PIK3C2G: variants seen among roughly 807,000 people sequenced by gnomAD.
PIK3C2G encodes the protein phosphatidylinositol-4-phosphate 3-kinase catalytic subunit type 2 gamma, also known as phosphatidylinositol 3-kinase C2 domain-containing subunit gamma.
PIK3C2G carries 168 observed loss-of-function variants against 181.1 expected under a neutral mutation model. The observed-to-expected ratio is 0.93, with a 90% confidence interval of 0.82 to 1.05. PIK3C2G has a LOEUF of 1.05. PIK3C2G is among the 50% of genes least tolerant of loss of function. The pLI is 0.00. For missense variants in PIK3C2G, 1,869 were observed against 1,732.8 expected (o/e 1.08, Z -1.40); for synonymous variants, 573 against 592.2 (o/e 0.97, Z 0.47).
rs1949794324 is a variant in PIK3C2G at position 18,640,571 on chromosome 12, T to A, written c.4308+17T>A. ...AATGAAATTGTAAGTATAAGTCACC[T>A]TTTGTCCAGTCATTTTGTATTTTTC... On this transcript the variant is annotated intron_variant, in intron 32 of 32. Transcript: ENST00000538779. 6.4e-7 allele frequency: 1 copy of A among 1,569,722 alleles called. No individual in the cohort carries two copies. The highest frequency in any genetic ancestry group is 8.6e-7 in the Non-Finnish European group (1 of 1,157,024).
chr12:18,337,750 G>A (rs1025975277), intron 8 of PIK3C2G, among the ~76,000 whole-genome samples: 1 of 152,108 alleles, frequency 6.6e-6, no homozygotes, highest in Admixed American at 6.6e-5. Flanking sequence ...CTCCCACCAG[G>A]CTTCACTTCC....
At chr12:18,692,431 T>C in the PIK3C2G span, among the ~76,000 whole-genome samples, 1 of 151,990 alleles carries the variant, frequency 6.6e-6, no homozygotes, top group Admixed American at 6.6e-5. Context: ...AGCACTTAGG[T>C]TATAGAGGAA....
chr12:18,700,983 GA>G, the PIK3C2G span, among the ~76,000 whole-genome samples: 1 of 27,592 alleles, frequency 3.6e-5, no homozygotes, highest in African/African-American at 5.3e-5. Flanking sequence ...CAATTATAGA[GA>G]TTTTTTTTTT....
intron 18 of PIK3C2G, among the ~76,000 whole-genome samples, chr12:18,460,689 C>T (rs1327057790): frequency 6.8e-6 from 1 of 147,872 alleles, no homozygotes; most frequent in African/African-American, 2.5e-5. Context: ...TCACTCAGTA[C>T]ATCTTAGCTA....
intron 18 of PIK3C2G, among the ~76,000 whole-genome samples, chr12:18,445,386 CAT>C (rs1946969136): frequency 6.6e-6 from 1 of 151,160 alleles, no homozygotes; most frequent in South Asian, 2.1e-4. Context: ...AAAATATAAT[CAT>C]ATACTGCTTT....
the PIK3C2G span, among the ~76,000 whole-genome samples, chr12:18,717,331 T>C: frequency 1.3e-5 from 2 of 152,188 alleles, no homozygotes; most frequent in Non-Finnish European, 2.9e-5. Context: ...AATGAATACA[T>C]TTCAAAATTT....
At chr12:18,571,357 AGTT>A (rs963389861) in intron 29 of PIK3C2G, among the ~76,000 whole-genome samples, 1 of 150,700 alleles carries the variant, frequency 6.6e-6, no homozygotes, top group African/African-American at 2.5e-5. Context: ...TGCACCCTGT[AGTT>A]GTGAGATGCA....
chr12:18,605,802 G>A (rs1258301843), intron 30 of PIK3C2G, among the ~76,000 whole-genome samples: 1 of 151,972 alleles, frequency 6.6e-6, no homozygotes, highest in African/African-American at 2.4e-5. Context: ...TTCTTATGTT[G>A]TAGCCGCCTT....
intron 24 of PIK3C2G, among the ~76,000 whole-genome samples, chr12:18,525,316 C>T (rs879571660): frequency 1.4e-4 from 22 of 151,900 alleles, no homozygotes; most frequent in Admixed American, 7.2e-4. Context: ...CGCGTGAACC[C>T]GGGAGGCAGA....
Position 18,399,724 on chromosome 12 carries a change from CCCTTCCTTTAGT to C in PIK3C2G, c.2196_2207del (p.Pro733_Leu736del), listed in dbSNP as rs1565679145. ...TTCTACTGCAATAATGAAAACTGCTCCCTTCCTTTAGTCCTGGGTAGTGCCCCTGGATGGGAT... is the reference window on the plus strand; with the variant it reads ...TTCTACTGCAATAATGAAAACTGCTCCCTGGGTAGTGCCCCTGGATGGGAT... On this transcript the variant is annotated inframe_deletion, in exon 16 of 33. Coordinates refer to ENST00000538779, the MANE Select transcript of PIK3C2G (RefSeq NM_001288772.2). 3.1e-6 allele frequency: 5 copies of C among 1,602,950 alleles called. No homozygotes were observed. Among genetic ancestry groups the C allele is most frequent in the Non-Finnish European group, 4.3e-6 (5 of 1,171,938 alleles).
At chr12:18,525,099 C>A (rs925647182) in intron 24 of PIK3C2G, among the ~76,000 whole-genome samples, 7 of 151,724 alleles carry the variant, frequency 4.6e-5, no homozygotes, top group Admixed American at 3.3e-4. Flanking sequence ...TTTAAAAAAT[C>A]TGTATATTGG....
chr12:18,587,277 G>T (rs1398480069), intron 29 of PIK3C2G, among the ~76,000 whole-genome samples: 1 of 152,094 alleles, frequency 6.6e-6, no homozygotes, highest in African/African-American at 2.4e-5. Flanking sequence ...ATCTCTGTTT[G>T]CAAATGGCAT....
At chr12:18,396,255 C>T (rs12230036) in intron 15 of PIK3C2G, among the ~76,000 whole-genome samples, 19,547 of 151,326 alleles carry the variant, frequency 0.13, 1,290 homozygotes, top group African/African-American at 0.16. Flanking sequence ...AAGAATAATA[C>T]TTTCCAGGAA....
chr12:18,336,907 T>C (rs2137582001), intron 8 of PIK3C2G, among the ~76,000 whole-genome samples: 1 of 152,282 alleles, frequency 6.6e-6, no homozygotes, highest in South Asian at 2.1e-4. Context: ...AAGCAAAGTA[T>C]TATCCCATTA....
Position 18,519,462 on chromosome 12 carries a change from A to G in PIK3C2G, c.3323+14001A>G, listed in dbSNP as rs552483299. Among the ~76,000 whole-genome samples the G allele has an allele frequency of 8.5e-5, 13 of 152,226 alleles. No individual in the cohort carries two copies. The South Asian group carries it at 2.7e-3, about 32-fold the overall frequency. On this transcript the variant is annotated intron_variant, in intron 24 of 32. Transcript: ENST00000538779. ...TTCTTGTTGAATTGATCCATTTACC[A>G]TTATGTAATGCCCTTCTTTGTCTTT...
At chr12:18,414,964 C>G (rs1945091777) in intron 16 of PIK3C2G, among the ~76,000 whole-genome samples, 1 of 152,096 alleles carries the variant, frequency 6.6e-6, no homozygotes, top group African/African-American at 2.4e-5. Context: ...GAACTTCAAG[C>G]AATAGTAATA....
intron 1 of PIK3C2G, among the ~76,000 whole-genome samples, chr12:18,263,702 A>G (rs1948351747): frequency 6.6e-6 from 1 of 152,068 alleles, no homozygotes; most frequent in African/African-American, 2.4e-5. Flanking sequence ...TAATGACATC[A>G]GTTTTTTGTT....
chr12:18,691,812 A>C, the PIK3C2G span, among the ~76,000 whole-genome samples: 4 of 152,198 alleles, frequency 2.6e-5, no homozygotes, highest in South Asian at 6.2e-4. Context: ...TCTACATCAG[A>C]GTCACAAACT....
chr12:18,469,778 TAAA>T (rs34500497), intron 18 of PIK3C2G, among the ~76,000 whole-genome samples: 12 of 146,536 alleles, frequency 8.2e-5, no homozygotes, highest in African/African-American at 2.5e-4. Context: ...AGTCTCTCTT[TAAA>T]AAAAAAAAAA....
Sources: gnomAD v4.1 joint callset for allele counts (sites outside exome capture counted in the v4.1 genomes callset) on GRCh38, gnomAD v4.1.1 for gene constraint, MANE v1.5 for transcripts, NCBI Gene and HGNC (gene_info 2026-07-23, HGNC 2026-07-21) for gene names.